Variants in MS4A10 observed in about 807,000 individuals in gnomAD.
The protein encoded by MS4A10 is membrane spanning 4-domains A10, also known as membrane-spanning 4-domains subfamily A member 10.
A neutral mutation model predicts 27.7 loss-of-function variants in MS4A10; 27 were observed. The observed-to-expected ratio is 0.98, with a 90% CI of 0.72 to 1.35. MS4A10 has a LOEUF of 1.35. Ranked by LOEUF, MS4A10 falls within the 40% of genes most tolerant of loss-of-function variation. MS4A10 has a pLI of 0.00. For missense variants in MS4A10, 338 were observed against 324.7 expected, an observed-to-expected ratio of 1.04 and a Z score of -0.32; for synonymous variants, 139 against 131.2, an observed-to-expected ratio of 1.06 and a Z score of -0.41.
intron 1 of MS4A10, among the ~76,000 whole-genome samples, chr11:60,788,057 A>AAATAAAT (rs536037185): frequency 7.3e-5 from 11 of 150,034 alleles, no homozygotes; most frequent in African/African-American, 2.8e-4. Context: ...AATAAATAAT[A>AAATAAAT]AAGATTATAT....
Position 60,792,902 on chromosome 11 carries a change from C to T in MS4A10, c.360+581C>T, listed in dbSNP as rs116191463. ...ATGGCTGCCTTCCATTCTCCCACAA[C>T]TCTGTGGACTTACCTGTCTCTACTG... On this transcript the variant is annotated intron_variant, in intron 4 of 7. Coordinates refer to ENST00000308287, the MANE Select transcript of MS4A10 (RefSeq NM_206893.4). Among the ~76,000 whole-genome samples, 924 of 152,346 alleles carry T rather than the reference C, an allele frequency of 6.1e-3. 7 individuals are homozygous for T. The highest frequency in any genetic ancestry group is 0.021 in the African/African-American group (884 of 41,580).
intron 1 of MS4A10, among the ~76,000 whole-genome samples, chr11:60,788,217 A>G (rs1383627695): frequency 6.6e-6 from 1 of 152,154 alleles, no homozygotes; most frequent in African/African-American, 2.4e-5. Flanking sequence ...TACTGCAGAT[A>G]CATCAGGACC....
intron 1 of MS4A10, among the ~76,000 whole-genome samples, chr11:60,790,107 A>G (rs527436636): frequency 0.011 from 1,738 of 152,290 alleles, 19 homozygotes; most frequent in Non-Finnish European, 0.017. Context: ...TTGCAACCCC[A>G]GAAAGGCTGT....
chr11:60,789,049 T>A (rs1433602283), intron 1 of MS4A10, among the ~76,000 whole-genome samples: 1 of 152,158 alleles, frequency 6.6e-6, no homozygotes, highest in African/African-American at 2.4e-5. Flanking sequence ...GTCCCTTCCT[T>A]TCCCCTCTAC....
intron 5 of MS4A10, 103 bp downstream of exon 5, chr11:60,794,206 C>A: frequency 7.1e-7 from 1 of 1,414,432 alleles, no homozygotes; most frequent in Non-Finnish European, 9.8e-7. Flanking sequence ...TCCTGGAGCC[C>A]AGGTGTGGGC....
intron 7 of MS4A10, 81 bp downstream of exon 7, chr11:60,798,595 T>G (rs1239955475): frequency 1.8e-6 from 2 of 1,102,638 alleles, no homozygotes; most frequent in Non-Finnish European, 2.7e-6. Flanking sequence ...AGAAACCAGT[T>G]CCCAGGGGAG....
intron 4 of MS4A10, among the ~76,000 whole-genome samples, chr11:60,792,644 A>C (rs1854450762): frequency 1.3e-5 from 2 of 152,294 alleles, no homozygotes; most frequent in South Asian, 4.1e-4. Flanking sequence ...ACTGTGTCTT[A>C]ATCTTAATCA....
intron 4 of MS4A10, among the ~76,000 whole-genome samples, chr11:60,792,768 C>T (rs1215682392): frequency 1.3e-5 from 2 of 152,190 alleles, no homozygotes; most frequent in African/African-American, 4.8e-5. Flanking sequence ...GGCCACTGCC[C>T]AAACACCTTG....
intron 4 of MS4A10, among the ~76,000 whole-genome samples, chr11:60,793,729 C>T (rs1854470118): frequency 6.6e-6 from 1 of 152,198 alleles, no homozygotes; most frequent in Non-Finnish European, 1.5e-5. Context: ...CTTGGGTTCT[C>T]CCAATTTGTC....
chr11:60,799,478 C>G (rs1304261754), intron 7 of MS4A10, among the ~76,000 whole-genome samples: 1 of 152,118 alleles, frequency 6.6e-6, no homozygotes, highest in Non-Finnish European at 1.5e-5. Context: ...TTTCCATAAA[C>G]AGAAGCAAAC....
chr11:60,794,931 C>G (rs146075206), intron 5 of MS4A10, among the ~76,000 whole-genome samples: 2,344 of 152,258 alleles, frequency 0.015, 60 homozygotes, highest in African/African-American at 0.054. Context: ...GTGATCCTCC[C>G]GCCTCAGCCT....
chr11:60,786,070 A>G (rs1275198255), intron 1 of MS4A10, among the ~76,000 whole-genome samples: 2 of 151,718 alleles, frequency 1.3e-5, no homozygotes, highest in Admixed American at 1.3e-4. Context: ...CCCCACCCCC[A>G]ACACCAGCCT....
At chr11:60,793,572 G>A (rs1464082734) in intron 4 of MS4A10, among the ~76,000 whole-genome samples, 1 of 152,198 alleles carries the variant, frequency 6.6e-6, no homozygotes, top group Non-Finnish European at 1.5e-5. Context: ...TGACCTTTCT[G>A]GTGGGGAAGG....
rs1591003669 is a variant in MS4A10, at chr11:60,800,156, C to A, written c.*247C>A. 33 of 552,198 alleles carry A rather than the reference C, an allele frequency of 6.0e-5. 1 individual carries two copies. In the East Asian group the frequency reaches 9.6e-4, roughly 16 times the overall value. The allele number at this position is 552,198 out of a possible 1,614,324, so 34.2% of individuals were successfully genotyped here. A position where few individuals can be genotyped will look rare whatever the true frequency, so the allele number is the denominator to read the frequency against. ...GTTTTGTTTCGCTTTGTTTTGTTTT[C>A]TTTTGTTTTGTTGAGATGGAGTCTC... On this transcript the variant is annotated 3_prime_UTR_variant, in exon 8 of 8. Transcript: ENST00000308287.
At position 60,795,580 on chromosome 11, in the gene MS4A10, C is replaced by A. The variant is rs750950826; in HGVS notation, c.518C>A (p.Ala173Asp). 3.8e-6 allele frequency: 6 copies of A among 1,579,964 alleles called. No individual in the cohort carries two copies. The highest frequency in any genetic ancestry group is 5.2e-6 in the Non-Finnish European group (6 of 1,162,972). ...STVHIQRLEL[A>D]LLCFTVLELF... ...GTCCACATCCAGAGGCTGGAGCTGG[C>A]CTTGCTCTGCTTCACTGTCCTAGAG... The change falls in exon 6 of 8, where the codon GCC becomes GAC. Residue 173 changes from alanine (A) to aspartate (D), a missense_variant. Physicochemically the swap from Ala to Asp is moderately radical, Grantham distance 126. Coordinates refer to ENST00000308287, the MANE Select transcript of MS4A10 (RefSeq NM_206893.4).
intron 6 of MS4A10, among the ~76,000 whole-genome samples, chr11:60,796,812 A>G (rs1038521977): frequency 1.3e-5 from 2 of 152,130 alleles, no homozygotes; most frequent in Admixed American, 6.5e-5. Flanking sequence ...AAGATCCTGA[A>G]CAGTTCAGGA....
intron 3 of MS4A10, among the ~76,000 whole-genome samples, chr11:60,791,634 C>A (rs1165306078): frequency 6.6e-6 from 1 of 152,254 alleles, no homozygotes; most frequent in Non-Finnish European, 1.5e-5. Flanking sequence ...TGGAGTCCTG[C>A]CTATGCACTA....
At chr11:60,798,653 C>T in intron 7 of MS4A10, 139 bp downstream of exon 7, 1 of 651,868 alleles carries the variant, frequency 1.5e-6, no homozygotes. Flanking sequence ...ACTGCCTGGC[C>T]TGGGAGTGGT....
intron 5 of MS4A10, among the ~76,000 whole-genome samples, chr11:60,794,652 G>T (rs1297757123): frequency 6.6e-6 from 1 of 152,182 alleles, no homozygotes; most frequent in African/African-American, 2.4e-5. Context: ...TCTGGGCCAG[G>T]CTCCAAGAAT....
Sources: gnomAD v4.1 joint callset for allele counts (sites outside exome capture counted in the v4.1 genomes callset) on GRCh38, gnomAD v4.1.1 for gene constraint, MANE v1.5 for transcripts, NCBI Gene and HGNC (gene_info 2026-07-23, HGNC 2026-07-21) for gene names.